Variants in ASH1L observed in about 807,000 individuals in gnomAD.
The protein encoded by ASH1L is ASH1 like histone lysine methyltransferase.
ASH1L carries 23 observed loss-of-function variants against 269.0 expected under a neutral mutation model. The ratio of observed to expected loss-of-function variants is 0.09; its 90% CI spans 0.06 to 0.12. The LOEUF (loss-of-function observed/expected upper bound fraction) is 0.12, where lower values mean the gene tolerates loss of function less well. ASH1L is among the 10% of genes least tolerant of loss of function. ASH1L has a pLI of 1.00. For missense variants in ASH1L, 2,912 were observed against 3,567.8 expected (o/e 0.82, Z 4.68); for synonymous variants, 1,187 against 1,253.5 (o/e 0.95, Z 1.12).
chr1:155,341,118 C>T (rs545188925), intron 25 of ASH1L, among the ~76,000 whole-genome samples: 12 of 151,240 alleles, frequency 7.9e-5, no homozygotes, highest in East Asian at 1.9e-4. Flanking sequence ...ATTACAGGTG[C>T]GCGCCACCAC....
intron 1 of ASH1L, among the ~76,000 whole-genome samples, chr1:155,555,166 A>T (rs1671501039): frequency 6.6e-6 from 1 of 151,246 alleles, no homozygotes; most frequent in African/African-American, 2.4e-5. Context: ...AAAGAATTAA[A>T]GTCTGACCTA....
At chr1:155,519,604 T>C (rs1344833181) in intron 2 of ASH1L, among the ~76,000 whole-genome samples, 1 of 152,202 alleles carries the variant, frequency 6.6e-6, no homozygotes, top group Non-Finnish European at 1.5e-5. Context: ...ATTGTATGAT[T>C]ACACCTATAT....
At chr1:155,545,271 T>C (rs978644217) in intron 1 of ASH1L, among the ~76,000 whole-genome samples, 5 of 149,184 alleles carry the variant, frequency 3.4e-5, no homozygotes, top group Non-Finnish European at 7.4e-5. Flanking sequence ...TAATGTATGG[T>C]AAATGGGCAC....
intron 1 of ASH1L, among the ~76,000 whole-genome samples, chr1:155,534,264 G>A (rs1669895344): frequency 1.3e-5 from 2 of 150,262 alleles, no homozygotes; most frequent in Non-Finnish European, 3.0e-5. Flanking sequence ...CCTACATTTT[G>A]AGAAACATCT....
chr1:155,498,032 G>A (rs543149299), intron 2 of ASH1L, among the ~76,000 whole-genome samples: 1 of 152,114 alleles, frequency 6.6e-6, no homozygotes, highest in Non-Finnish European at 1.5e-5. Context: ...GGTTACAGGC[G>A]TGAGCCACCA....
chr1:155,528,055 A>G (rs1304581922), intron 1 of ASH1L, among the ~76,000 whole-genome samples: 1 of 152,152 alleles, frequency 6.6e-6, no homozygotes, highest in Non-Finnish European at 1.5e-5. Flanking sequence ...ACAAATTTCT[A>G]TCTTCAGATA....
At chr1:155,421,565 G>A (rs1374319776) in intron 5 of ASH1L, among the ~76,000 whole-genome samples, 1 of 151,514 alleles carries the variant, frequency 6.6e-6, no homozygotes, top group African/African-American at 2.4e-5. Context: ...CAGCTACTCG[G>A]GAGGCTGAGG....
intron 3 of ASH1L, among the ~76,000 whole-genome samples, chr1:155,462,063 G>T (rs533197961): frequency 6.6e-6 from 1 of 152,128 alleles, no homozygotes; most frequent in Non-Finnish European, 1.5e-5. Context: ...GCCTCCCAAA[G>T]TGCTGGGATT....
chr1:155,419,695 A>G (rs778633716), intron 5 of ASH1L, among the ~76,000 whole-genome samples: 1 of 152,200 alleles, frequency 6.6e-6, no homozygotes, highest in Non-Finnish European at 1.5e-5. Context: ...CCTCATATGT[A>G]CAGGTTAAAT....
chr1:155,411,586 A>AATAAATAAATAAATAAATATATATAT (rs1297131961), intron 6 of ASH1L, among the ~76,000 whole-genome samples: 14 of 55,166 alleles, frequency 2.5e-4, no homozygotes, highest in Middle Eastern at 0.011. Context: ...TAAATAAATA[A>AATAAATAAATAAATAAATATATATAT]ATATATATAT....
intron 3 of ASH1L, among the ~76,000 whole-genome samples, chr1:155,466,766 TA>T (rs1217074580): frequency 1.5e-4 from 23 of 152,200 alleles, no homozygotes; most frequent in Admixed American, 1.5e-3. Context: ...CTGTCACCTA[TA>T]GTCACCCCAC....
intron 5 of ASH1L, chr1:155,434,235 C>G (rs1480791312): frequency 6.2e-7 from 1 of 1,601,572 alleles, no homozygotes; most frequent in East Asian, 2.2e-5. Flanking sequence ...CCGTCACCAC[C>G]CTGGGCTCTC....
intron 2 of ASH1L, among the ~76,000 whole-genome samples, chr1:155,516,166 A>C (rs986907994): frequency 6.6e-6 from 1 of 152,126 alleles, no homozygotes; most frequent in Non-Finnish European, 1.5e-5. Flanking sequence ...CATTCAAAAC[A>C]CTGTATGTAA....
At chr1:155,517,759 T>C (rs945452965) in intron 2 of ASH1L, among the ~76,000 whole-genome samples, 3 of 147,030 alleles carry the variant, frequency 2.0e-5, no homozygotes, top group Non-Finnish European at 4.5e-5. Flanking sequence ...GGAAGAGTCC[T>C]AAAATAAACT....
At chr1:155,363,141 G>A (rs192296773) in intron 12 of ASH1L, among the ~76,000 whole-genome samples, 20 of 152,112 alleles carry the variant, frequency 1.3e-4, no homozygotes, top group African/African-American at 3.1e-4. Context: ...ATGCCACCAC[G>A]CCTGGCTAAT....
chr1:155,451,962 C>T (rs1663507437), intron 4 of ASH1L, among the ~76,000 whole-genome samples: 1 of 152,056 alleles, frequency 6.6e-6, no homozygotes, highest in Non-Finnish European at 1.5e-5. Flanking sequence ...CTCAGGTGAT[C>T]CGCCTGCCTC....
At position 155,459,802 on chromosome 1, in the gene ASH1L, G is replaced by A. The variant is rs1303542858; in HGVS notation, c.5081C>T (p.Ser1694Leu). The change falls in exon 4 of 28, where the codon TCA becomes TTA. Residue 1694 changes from serine to leucine, a missense_variant. By Grantham distance (145) the Ser-to-Leu change is moderately radical. This residue lies in a region of ASH1L where 789 missense variants were observed against 897.6 expected (regional missense o/e 0.88). Transcript: ENST00000392403. ...RKRSSSESTS[S>L]TVNGVPSRSP... The stretch of plus-strand genomic sequence containing the variant: ...GTAAAACAAATAGCACTAGCCTGTT[G>A]AAGAAGTACTCTCAGATGAAGACCT... The A allele has an allele frequency of 6.2e-7, 1 of 1,611,638 alleles. No individual in the cohort carries two copies. Among genetic ancestry groups the A allele is most frequent in the South Asian group, 1.1e-5 (1 of 90,832 alleles).
At chr1:155,405,551 C>A (rs951061350) in intron 6 of ASH1L, among the ~76,000 whole-genome samples, 1 of 151,888 alleles carries the variant, frequency 6.6e-6, no homozygotes, top group Non-Finnish European at 1.5e-5. Flanking sequence ...CAAAATAGGT[C>A]GGGCATGGTC....
chr1:155,343,329 A>G lies in ASH1L; in HGVS notation c.8278T>C (p.Tyr2760His). 1 of 1,613,502 alleles carries G rather than the reference A, an allele frequency of 6.2e-7. No homozygotes were observed. ...GATCACTTACCTTTACAATACGTAT[A>G]AAGGTCCAACACACAGCAGGTCCCC... ...VVGTCCVLDL[Y>H]TYCKGRPKGV... The change falls in exon 24 of 28, where the codon TAT (tyrosine) becomes CAT (histidine). Residue 2760 changes from tyrosine to histidine, a missense_variant. Transcript: ENST00000392403. The surrounding 1 kb of genome is among the most constrained non-coding windows in gnomAD (Gnocchi z 6.1).
Sources: gnomAD v4.1 joint callset for allele counts (sites outside exome capture counted in the v4.1 genomes callset) on GRCh38, gnomAD v4.1.1 for gene constraint, gnomAD v4.1.1 regional missense constraint, Gnocchi (gnomAD v3.1) non-coding constraint, MANE v1.5 for transcripts, NCBI Gene and HGNC (gene_info 2026-07-23, HGNC 2026-07-21) for gene names.